Variants in LRRC36 observed in about 807,000 individuals in gnomAD.
The protein encoded by LRRC36 is leucine-rich repeat-containing protein 36.
LRRC36 carries 62 observed loss-of-function variants against 81.1 expected under a neutral mutation model. The ratio of observed to expected loss-of-function variants is 0.76; its 90% CI spans 0.62 to 0.94. The LOEUF is 0.94. Ranked by LOEUF, LRRC36 falls within the 40% of genes least tolerant of loss-of-function variation. The pLI, the probability that LRRC36 is intolerant of heterozygous loss-of-function variation, is 0.00. For missense variants in LRRC36, 761 were observed against 881.7 expected (o/e 0.86, Z 1.73); for synonymous variants, 334 against 348.6 (o/e 0.96, Z 0.47).
At chr16:67,372,324 T>C (rs2039682850) in intron 9 of LRRC36, among the ~76,000 whole-genome samples, 1 of 150,330 alleles carries the variant, frequency 6.7e-6, no homozygotes, top group African/African-American at 2.4e-5. Flanking sequence ...GCCATTGCAC[T>C]CCAGCCTAGG....
intron 1 of LRRC36, among the ~76,000 whole-genome samples, chr16:67,339,259 TAAAA>T (rs57925409): frequency 8.1e-6 from 1 of 122,994 alleles, no homozygotes; most frequent in Non-Finnish European, 1.8e-5. Flanking sequence ...GTTAATACTG[TAAAA>T]AAAAAAAAAA....
At chr16:67,345,312 TCAA>T (rs2038290183) in intron 2 of LRRC36, among the ~76,000 whole-genome samples, 1 of 131,964 alleles carries the variant, frequency 7.6e-6, no homozygotes, top group African/African-American at 3.0e-5. Context: ...ATACCCTGTC[TCAA>T]AAAAAAAAAA....
At chr16:67,370,799 C>T (rs2039602889) in intron 8 of LRRC36, 145 bp from the exon 9 acceptor site, 1 of 668,854 alleles carries the variant, frequency 1.5e-6, no homozygotes, top group African/African-American at 1.8e-5. Flanking sequence ...TTAGATTTAA[C>T]CAGAGTTGGA....
At chr16:67,378,519 C>A (rs975814305) in intron 11 of LRRC36, 70 bp from the exon 12 acceptor site, 4 of 1,478,062 alleles carry the variant, frequency 2.7e-6, no homozygotes, top group Admixed American at 1.8e-5. Context: ...GGATTACAGG[C>A]GTGAGCCACG....
chr16:67,345,509 T>G (rs1261126547), intron 2 of LRRC36, among the ~76,000 whole-genome samples: 1 of 152,030 alleles, frequency 6.6e-6, no homozygotes, highest in Non-Finnish European at 1.5e-5. Flanking sequence ...TGTTGCCAGT[T>G]AGGTAGAGGG....
chr16:67,330,821 C>T (rs2037446552), intron 1 of LRRC36, among the ~76,000 whole-genome samples: 2 of 152,036 alleles, frequency 1.3e-5, no homozygotes, highest in Non-Finnish European at 2.9e-5. Context: ...ACTGAGATCG[C>T]ACCACTGCAC....
At chr16:67,347,353 G>A (rs2142022244) in intron 3 of LRRC36, 142 bp from the exon 4 acceptor site, 2 of 1,453,060 alleles carry the variant, frequency 1.4e-6, no homozygotes, top group Non-Finnish European at 9.2e-7. Context: ...CAACATAATA[G>A]CATTATTTTG....
chr16:67,332,896 AT>A (rs201882308), intron 1 of LRRC36, among the ~76,000 whole-genome samples: 5 of 150,360 alleles, frequency 3.3e-5, no homozygotes, highest in Admixed American at 6.6e-5. Flanking sequence ...TTATTTATTT[AT>A]TTTTTTTTAA....
intron 2 of LRRC36, among the ~76,000 whole-genome samples, chr16:67,345,383 T>G (rs2142014296): frequency 6.6e-6 from 1 of 152,142 alleles, no homozygotes; most frequent in Non-Finnish European, 1.5e-5. Context: ...AATTTAGTAT[T>G]GGGCAAAAGC....
Position 67,367,437 on chromosome 16 carries a change from G to A in LRRC36, c.1175G>A (p.Arg392Lys), listed in dbSNP as rs767704472. 1 of 1,611,848 alleles carries A rather than the reference G, an allele frequency of 6.2e-7. No homozygotes were observed. Among genetic ancestry groups the A allele is most frequent in the Non-Finnish European group, 8.5e-7 (1 of 1,178,910 alleles). ...TCAAACCCTGACTCCAGCACTGGAAGGCTTTTGAAGCTTAGTTCAGGTAAC... is the reference window on the plus strand; with the variant it reads ...TCAAACCCTGACTCCAGCACTGGAAAGCTTTTGAAGCTTAGTTCAGGTAAC... ...SLSNPDSSTG[R>K]LLKLSSDLYA... is the part of the protein sequence containing the mutation. Residue 392 changes from arginine to lysine, a missense_variant, in exon 8 of 14, where the codon AGG becomes AAG. Coordinates refer to ENST00000329956, the MANE Select transcript of LRRC36 (RefSeq NM_018296.6).
intron 8 of LRRC36, among the ~76,000 whole-genome samples, chr16:67,367,661 A>G (rs1012248759): frequency 6.6e-6 from 1 of 152,186 alleles, no homozygotes; most frequent in African/African-American, 2.4e-5. Flanking sequence ...ATTTGTAGGA[A>G]AGTGAGCATT....
At chr16:67,352,689 ATTTT>A in intron 5 of LRRC36, among the ~76,000 whole-genome samples, 1 of 118,464 alleles carries the variant, frequency 8.4e-6, no homozygotes. Flanking sequence ...TTATTTATTT[ATTTT>A]TTGAGGCAGG....
At chr16:67,335,943 G>A (rs1289422800) in intron 1 of LRRC36, among the ~76,000 whole-genome samples, 1 of 152,114 alleles carries the variant, frequency 6.6e-6, no homozygotes, top group Non-Finnish European at 1.5e-5. Flanking sequence ...GGTTGGTCAG[G>A]CTGGTCTCAA....
chr16:67,341,834 T>G (rs1467063681), intron 1 of LRRC36, 123 bp from the exon 2 acceptor site: 7 of 582,566 alleles, frequency 1.2e-5, no homozygotes, highest in Middle Eastern at 2.8e-4. Flanking sequence ...GATCTGATCT[T>G]ATGAGGCTTG....
chr16:67,362,329 A>G (rs1195097666), intron 5 of LRRC36: 1 of 316,178 alleles, frequency 3.2e-6, no homozygotes, highest in African/African-American at 2.3e-5. Context: ...CGCCCAGCTA[A>G]TTTTTGTATT....
Position 67,371,022 on chromosome 16 carries a change from A to G in LRRC36, c.1274A>G (p.Asp425Gly), listed in dbSNP as rs2142128965. The G allele has an allele frequency of 6.2e-7, 1 of 1,614,154 alleles. No individual in the cohort carries two copies. The highest frequency in any genetic ancestry group is 8.5e-7 in the Non-Finnish European group (1 of 1,180,020). The change falls in exon 9 of 14, where the codon GAT (aspartate) becomes GGT (glycine). Residue 425 changes from aspartate to glycine, a missense_variant. Physicochemically the swap from Asp to Gly is moderately conservative, Grantham distance 94. Around this residue, in one of 3 missense-constraint regions of LRRC36, gnomAD observed 359 missense variants for 388.4 expected, o/e 0.92. Transcript: ENST00000329956. ...NVEQQLSTSLDDLTPAHGSVP... is the reference protein window; with the variant it reads ...NVEQQLSTSLGDLTPAHGSVP... The stretch of plus-strand genomic sequence containing the variant: ...GAGCAACAATTATCTACCAGCCTGG[A>G]TGATTTAACACCAGCACATGGTTCT...
Position 67,385,053 on chromosome 16 carries a change from G to C in LRRC36, c.2229G>C (p.Gln743His). 6.2e-7 allele frequency: 1 copy of C among 1,614,098 alleles called. No homozygotes were observed. The highest frequency in any genetic ancestry group is 8.5e-7 in the Non-Finnish European group (1 of 1,180,022). ...ATGAGACTGGTCAGTATCTAATACAGAGCGTCTTGGATGCTGCCCCAGAGC... is the reference window on the plus strand; with the variant it reads ...ATGAGACTGGTCAGTATCTAATACACAGCGTCTTGGATGCTGCCCCAGAGC... Reference protein sequence around the residue: ...VAHETGQYLIQSVLDAAPEPG... With the variant: ...VAHETGQYLIHSVLDAAPEPG... Residue 743 changes from glutamine to histidine, a missense_variant, in exon 14 of 14, where the codon CAG (glutamine) becomes CAC (histidine). Physicochemically the swap from Gln to His is conservative, Grantham distance 24. This residue lies in a region of LRRC36 where 359 missense variants were observed against 388.4 expected (regional missense o/e 0.92). Coordinates refer to ENST00000329956, the MANE Select transcript of LRRC36 (RefSeq NM_018296.6).
Position 67,376,822 on chromosome 16 carries a change from A to G in LRRC36, c.1756A>G (p.Arg586Gly). ...TGAAGACACGATGAAAGCATTCTGC[A>G]GGAGGGAGCTTGAACTGAAGGAGGC... ...HPEDTMKAFC[R>G]RELELKEAAQ... Residue 586 changes from arginine (R) to glycine (G), a missense_variant, in exon 11 of 14, where the codon AGG (arginine) becomes GGG (glycine). Physicochemically the swap from Arg to Gly is moderately radical, Grantham distance 125. Around this residue, in one of 3 missense-constraint regions of LRRC36, gnomAD observed 359 missense variants for 388.4 expected, o/e 0.92. Transcript: ENST00000329956. 6.2e-7 allele frequency: 1 copy of G among 1,614,052 alleles called. No homozygotes were observed. Among genetic ancestry groups the G allele is most frequent in the Non-Finnish European group, 8.5e-7 (1 of 1,179,900 alleles).
intron 5 of LRRC36, among the ~76,000 whole-genome samples, chr16:67,351,565 T>C (rs2038636488): frequency 6.6e-6 from 1 of 152,056 alleles, no homozygotes; most frequent in Non-Finnish European, 1.5e-5. Flanking sequence ...AAATTAGCCA[T>C]GCGTGGTGGC....
Sources: gnomAD v4.1 joint callset for allele counts (sites outside exome capture counted in the v4.1 genomes callset) on GRCh38, gnomAD v4.1.1 for gene constraint, gnomAD v4.1.1 regional missense constraint, MANE v1.5 for transcripts, NCBI Gene and HGNC (gene_info 2026-07-23, HGNC 2026-07-21) for gene names.